The following EFCAB13 variants were observed in gnomAD, a reference collection of about 807,000 sequenced individuals.
EFCAB13 encodes the protein EF-hand calcium binding domain 13, also known as EF-hand calcium-binding domain-containing protein 13.
EFCAB13 carries 91 observed loss-of-function variants against 110.2 expected under a neutral mutation model. The ratio of observed to expected loss-of-function variants is 0.83; its 90% confidence interval spans 0.70 to 0.98. The LOEUF is 0.98. EFCAB13 is among the 50% of genes least tolerant of loss of function. EFCAB13 has a pLI of 0.00. For synonymous variants in EFCAB13, 323 were observed against 369.9 expected, an observed-to-expected ratio of 0.87 and a Z score of 1.45; for missense variants, 968 against 1,119.4, an observed-to-expected ratio of 0.86 and a Z score of 1.93.
At chr17:47,366,720 G>A (rs1408026208) in intron 10 of EFCAB13, among the ~76,000 whole-genome samples, 3 of 152,130 alleles carry the variant, frequency 2.0e-5, no homozygotes, top group African/African-American at 7.2e-5. Context: ...TCAGATTCTC[G>A]AACGCGTCTT....
intron 11 of EFCAB13, among the ~76,000 whole-genome samples, chr17:47,373,645 G>A (rs1050752947): frequency 6.6e-6 from 1 of 152,064 alleles, no homozygotes; most frequent in Non-Finnish European, 1.5e-5. Flanking sequence ...ATTTTTACCT[G>A]CTCACTAACC....
At chr17:47,391,610 T>C in intron 15 of EFCAB13, 30 bp downstream of exon 15, 1 of 1,530,678 alleles carries the variant, frequency 6.5e-7, no homozygotes, top group Middle Eastern at 1.7e-4. Flanking sequence ...GCAAACTGCA[T>C]TGACACATCT....
chr17:47,381,030 G>A (rs1045809288), intron 14 of EFCAB13, among the ~76,000 whole-genome samples: 3 of 151,710 alleles, frequency 2.0e-5, no homozygotes, highest in African/African-American at 4.8e-5. Flanking sequence ...CTACAGGTAC[G>A]TACCACCATG....
intron 12 of EFCAB13, among the ~76,000 whole-genome samples, chr17:47,376,816 A>T (rs1233685357): frequency 6.6e-6 from 1 of 152,156 alleles, no homozygotes; most frequent in Non-Finnish European, 1.5e-5. Context: ...TCAGTCTGGG[A>T]TGCTTCCTCA....
Position 47,414,893 on chromosome 17 carries a change from A to G in EFCAB13, c.2468A>G (p.Glu823Gly), listed in dbSNP as rs142158454. The change falls in exon 23 of 25, where the codon GAA (glutamate) becomes GGA (glycine). Residue 823 changes from glutamate (E) to glycine (G), a missense_variant. By Grantham distance (98) the Glu-to-Gly change is moderately conservative. Transcript: ENST00000331493. ...DLKDFLMKMK[E>G]SPHFQKSKAT... ...AAAGATTTCTTAATGAAAATGAAAG[A>G]AAGTCCACATTTCCAAAAGTCCAAG... 6.2e-7 allele frequency: 1 copy of G among 1,607,384 alleles called. No homozygotes were observed. Among genetic ancestry groups the G allele is most frequent in the East Asian group, 2.2e-5 (1 of 44,674 alleles).
At chr17:47,390,325 T>TAC (rs111830433) in intron 14 of EFCAB13, among the ~76,000 whole-genome samples, 5,729 of 150,190 alleles carry the variant, frequency 0.038, 254 homozygotes, top group African/African-American at 0.11. Context: ...GTTTTTTTCA[T>TAC]ACACACACAC....
At chr17:47,389,436 C>T (rs1370842835) in intron 14 of EFCAB13, among the ~76,000 whole-genome samples, 1 of 152,116 alleles carries the variant, frequency 6.6e-6, no homozygotes, top group Non-Finnish European at 1.5e-5. Context: ...AGGTACAGCT[C>T]TTTATATTCA....
rs1174896100 is a variant in EFCAB13 at position 47,409,706 on chromosome 17, T to C, written c.2278+15T>C. The C allele has an allele frequency of 1.9e-6, 3 of 1,586,718 alleles. No individual in the cohort carries two copies. Among genetic ancestry groups the C allele is most frequent in the Admixed American group, 1.7e-5 (1 of 59,340 alleles). ...AAAGGTAAACGGTGAGTAAGAACTT[T>C]GTATATGAGAAAATTTTCAATAATA... is the stretch of plus-strand genomic sequence containing the variant. On this transcript the variant is annotated intron_variant, in intron 21 of 24. Transcript: ENST00000331493.
rs1773996473 is a variant in EFCAB13 at position 47,395,921 on chromosome 17, A to G, written c.1889A>G (p.Asn630Ser). 1.2e-6 allele frequency: 2 copies of G among 1,609,636 alleles called. No homozygotes were observed. The highest frequency in any genetic ancestry group is 3.3e-5 in the Admixed American group (2 of 59,918). The stretch of plus-strand genomic sequence containing the variant: ...CTGTGGAATACTCTGTCTAGTTTGA[A>G]TAGTAATTTAAAAAAGGATGAATTT... Reference protein sequence around the residue: ...SDLWNTLSSLNSNLKKDEFLA... With the variant: ...SDLWNTLSSLSSNLKKDEFLA... Residue 630 changes from asparagine (N) to serine (S), a missense_variant, in exon 17 of 25, where the codon AAT becomes AGT. Asn to Ser is a conservative substitution (Grantham distance 46). Transcript: ENST00000331493.
At chr17:47,388,153 CAG>C (rs957113012) in intron 14 of EFCAB13, among the ~76,000 whole-genome samples, 1 of 152,194 alleles carries the variant, frequency 6.6e-6, no homozygotes, top group Non-Finnish European at 1.5e-5. Context: ...TAGCTGCCCT[CAG>C]GGGGTTTATT....
At position 47,344,157 on chromosome 17, in the gene EFCAB13, T is replaced by C; in HGVS notation, c.304-5T>C. The C allele has an allele frequency of 6.2e-7, 1 of 1,611,616 alleles. No individual in the cohort carries two copies. Among genetic ancestry groups the C allele is most frequent in the South Asian group, 1.1e-5 (1 of 90,858 alleles). On this transcript the variant is annotated splice_polypyrimidine_tract_variant and splice_region_variant and intron_variant, in intron 6 of 24. Transcript: ENST00000331493. ...AGGCACCAACATACTTGCATTTGGC[T>C]CTAGATTATCCCTCCTTTTCTGAAG...
intron 4 of EFCAB13, among the ~76,000 whole-genome samples, chr17:47,330,231 C>A (rs1201997083): frequency 1.3e-5 from 2 of 151,704 alleles, no homozygotes; most frequent in Non-Finnish European, 2.9e-5. Flanking sequence ...TATTTAGAAG[C>A]AATATAGCTT....
At chr17:47,334,002 T>C (rs2143229961) in intron 4 of EFCAB13, among the ~76,000 whole-genome samples, 1 of 152,320 alleles carries the variant, frequency 6.6e-6, no homozygotes, top group African/African-American at 2.4e-5. Context: ...GGAATTGCAT[T>C]GAATCTGTAG....
intron 9 of EFCAB13, among the ~76,000 whole-genome samples, chr17:47,351,090 A>G (rs942131759): frequency 6.6e-6 from 1 of 152,084 alleles, no homozygotes; most frequent in Non-Finnish European, 1.5e-5. Context: ...TCCAGTAACT[A>G]TTATTTCATG....
intron 17 of EFCAB13, among the ~76,000 whole-genome samples, chr17:47,398,704 A>G (rs892701671): frequency 6.0e-5 from 9 of 151,086 alleles, no homozygotes; most frequent in African/African-American, 2.2e-4. Flanking sequence ...ACCCAGGGAC[A>G]CAAACACTGC....
rs1166695557 is a variant in EFCAB13, at chr17:47,345,033, C to G, written c.452C>G (p.Ser151Cys). 4 of 1,605,796 alleles carry G rather than the reference C, an allele frequency of 2.5e-6. No individual in the cohort carries two copies. The East Asian group carries it at 6.7e-5, about 27-fold the overall frequency. Residue 151 changes from serine (S) to cysteine (C), a missense_variant, in exon 8 of 25, where the codon TCT becomes TGT. By Grantham distance (112) the Ser-to-Cys change is moderately radical. Coordinates refer to ENST00000331493, the MANE Select transcript of EFCAB13 (RefSeq NM_152347.5). ...SAITREKEML[S>C]NLYMTLYDEV... ...TTTGACAGGGAAAAGGAAATGCTGT[C>G]TAACCTCTACATGACATTATATGAT...
chr17:47,377,155 C>G (rs1441486438), intron 12 of EFCAB13, among the ~76,000 whole-genome samples: 1 of 151,996 alleles, frequency 6.6e-6, no homozygotes, highest in African/African-American at 2.4e-5. Context: ...TTCTTGGACT[C>G]ATTAATTTTA....
At chr17:47,393,688 C>T (rs927049686) in intron 15 of EFCAB13, among the ~76,000 whole-genome samples, 1 of 149,266 alleles carries the variant, frequency 6.7e-6, no homozygotes, top group African/African-American at 2.5e-5. Flanking sequence ...TGCACTCTAG[C>T]GTGGGTGACA....
intron 14 of EFCAB13, among the ~76,000 whole-genome samples, chr17:47,382,171 G>A (rs1305613496): frequency 7.9e-5 from 12 of 152,292 alleles, no homozygotes; most frequent in Admixed American, 6.5e-4. Flanking sequence ...CGTTTTCGAT[G>A]TATAGGAATG....
Sources: gnomAD v4.1 joint callset for allele counts (sites outside exome capture counted in the v4.1 genomes callset) on GRCh38, gnomAD v4.1.1 for gene constraint, MANE v1.5 for transcripts, NCBI Gene and HGNC (gene_info 2026-07-23, HGNC 2026-07-21) for gene names.